The following MAD1L1 variants were observed in gnomAD, a reference collection of about 807,000 sequenced individuals.
The protein encoded by MAD1L1 is mitotic spindle assembly checkpoint protein MAD1.
MAD1L1 carries 95 observed loss-of-function variants against 96.9 expected under a neutral mutation model. The observed-to-expected ratio is 0.98, with a 90% CI of 0.83 to 1.16. MAD1L1 has a LOEUF of 1.16. Ranked by LOEUF, MAD1L1 falls within the 50% of genes most tolerant of loss-of-function variation. The probability of loss-of-function intolerance (pLI) is 0.00; values close to 1 mark genes in which losing one functional copy is unlikely to be tolerated. For missense variants in MAD1L1, 1,007 were observed against 954.4 expected (o/e 1.06, Z -0.73); for synonymous variants, 473 against 396.6 (o/e 1.19, Z -2.29).
At chr7:1,964,871 AG>A (rs1421264795) in intron 15 of MAD1L1, among the ~76,000 whole-genome samples, 2 of 152,182 alleles carry the variant, frequency 1.3e-5, no homozygotes, top group Admixed American at 6.5e-5. Context: ...TGGGTGCCGC[AG>A]GTGAGGCTCC....
chr7:2,019,689 A>G (rs1028425454), intron 12 of MAD1L1, among the ~76,000 whole-genome samples: 1 of 110,774 alleles, frequency 9.0e-6, no homozygotes, highest in Admixed American at 1.1e-4. Flanking sequence ...ACGCCTCGCC[A>G]CCCTCCACCC....
At chr7:1,854,431 TCA>T in intron 18 of MAD1L1, 1 of 454,362 alleles carries the variant, frequency 2.2e-6, no homozygotes, top group Non-Finnish European at 4.4e-6. Context: ...AGTTCACTTC[TCA>T]CAGGCCTGGA....
chr7:1,946,954 A>C (rs1779256067), intron 16 of MAD1L1, among the ~76,000 whole-genome samples: 1 of 152,128 alleles, frequency 6.6e-6, no homozygotes, highest in Non-Finnish European at 1.5e-5. Flanking sequence ...CTGGAGGAGG[A>C]GGCTGGGTGG....
At chr7:1,945,497 A>G (rs547758414) in intron 16 of MAD1L1, among the ~76,000 whole-genome samples, 13 of 152,262 alleles carry the variant, frequency 8.5e-5, no homozygotes, top group African/African-American at 2.6e-4. Flanking sequence ...AGTCGTGGAG[A>G]GTCCCACTCT....
At chr7:1,827,527 C>T (rs1782471164) in intron 18 of MAD1L1, among the ~76,000 whole-genome samples, 1 of 134,090 alleles carries the variant, frequency 7.5e-6, no homozygotes, top group East Asian at 2.2e-4. Flanking sequence ...CCCTCCTGAG[C>T]CCGTCCCGGG....
intron 10 of MAD1L1, chr7:2,210,053 G>C (rs986773859): frequency 2.3e-4 from 35 of 152,310 alleles, no homozygotes; most frequent in Admixed American, 7.2e-4. Context: ...AGAAAAGAAA[G>C]CCCAGTGCAT....
intron 13 of MAD1L1, among the ~76,000 whole-genome samples, chr7:2,011,790 C>G (rs911148377): frequency 6.6e-6 from 1 of 152,146 alleles, no homozygotes; most frequent in Non-Finnish European, 1.5e-5. Context: ...GGAATCTGTG[C>G]CAGCAGCCGA....
chr7:2,043,233 C>T (rs189861042), intron 12 of MAD1L1, among the ~76,000 whole-genome samples: 255 of 152,290 alleles, frequency 1.7e-3, no homozygotes, highest in Non-Finnish European at 7.1e-4. Context: ...TCTGCATCCA[C>T]GCCCCTGTCC....
At chr7:1,915,776 G>A (rs1788349029) in intron 17 of MAD1L1, among the ~76,000 whole-genome samples, 1 of 152,236 alleles carries the variant, frequency 6.6e-6, no homozygotes, top group Non-Finnish European at 1.5e-5. Flanking sequence ...ACAGTGAGAT[G>A]TGGACCTCCC....
At chr7:2,074,843 G>A (rs1157472762) in intron 11 of MAD1L1, among the ~76,000 whole-genome samples, 1 of 152,186 alleles carries the variant, frequency 6.6e-6, no homozygotes, top group Middle Eastern at 3.2e-3. Flanking sequence ...AGGCTGGGGG[G>A]GCCCTCGGGG....
chr7:2,138,215 A>G (rs559330764), intron 11 of MAD1L1, among the ~76,000 whole-genome samples: 1 of 152,322 alleles, frequency 6.6e-6, no homozygotes, highest in African/African-American at 2.4e-5. Context: ...AAAGAGGGTG[A>G]GAGAATGCAG....
intron 14 of MAD1L1, among the ~76,000 whole-genome samples, chr7:1,998,779 C>T (rs1781667736): frequency 6.8e-6 from 1 of 146,034 alleles, no homozygotes; most frequent in African/African-American, 2.5e-5. Flanking sequence ...AGGACCCTGG[C>T]ATCCTTCCTG....
chr7:1,888,766 T>C (rs1374816760), intron 18 of MAD1L1, among the ~76,000 whole-genome samples: 3 of 151,728 alleles, frequency 2.0e-5, no homozygotes. Context: ...TGCATGTGTG[T>C]GTGTGGTTTC....
intron 16 of MAD1L1, among the ~76,000 whole-genome samples, chr7:1,954,542 G>T (rs1779640832): frequency 6.6e-6 from 1 of 152,172 alleles, no homozygotes; most frequent in African/African-American, 2.4e-5. Flanking sequence ...GGCTGCAGGT[G>T]GGGTCAGGGA....
At chr7:1,821,927 G>A (rs1321284774) in intron 18 of MAD1L1, among the ~76,000 whole-genome samples, 1 of 152,174 alleles carries the variant, frequency 6.6e-6, no homozygotes, top group Non-Finnish European at 1.5e-5. Context: ...GCCAGGGCAT[G>A]CAGGTAAGAA....
intron 14 of MAD1L1, among the ~76,000 whole-genome samples, chr7:1,986,584 G>A (rs929334829): frequency 7.5e-6 from 1 of 132,580 alleles, no homozygotes; most frequent in Non-Finnish European, 1.7e-5. Flanking sequence ...GCCTCCACCC[G>A]CACTGCTCCA....
intron 11 of MAD1L1, among the ~76,000 whole-genome samples, chr7:2,120,364 G>A (rs1160802609): frequency 2.0e-5 from 3 of 152,262 alleles, no homozygotes; most frequent in Non-Finnish European, 4.4e-5. Flanking sequence ...CGCTGCAGCA[G>A]CCTCTGCCTC....
chr7:2,196,851 G>A (rs1792014481), intron 10 of MAD1L1, among the ~76,000 whole-genome samples: 1 of 152,176 alleles, frequency 6.6e-6, no homozygotes, highest in Non-Finnish European at 1.5e-5. Flanking sequence ...CCTACTCCAT[G>A]AGGCTCTCAA....
chr7:2,163,089 A>G (rs975173259), intron 10 of MAD1L1, among the ~76,000 whole-genome samples: 2 of 152,208 alleles, frequency 1.3e-5, no homozygotes, highest in African/African-American at 4.8e-5. Flanking sequence ...TGCTCTACAC[A>G]TAATTATTTT....
Sources: gnomAD v4.1 joint callset for allele counts (sites outside exome capture counted in the v4.1 genomes callset) on GRCh38, gnomAD v4.1.1 for gene constraint, MANE v1.5 for transcripts, NCBI Gene and HGNC (gene_info 2026-07-23, HGNC 2026-07-21) for gene names.